KIDINS220: variants seen among roughly 807,000 people sequenced by gnomAD.
KIDINS220 encodes kinase D interacting substrate 220.
Under a neutral mutation model 157.6 loss-of-function variants are expected in KIDINS220, and 63 were observed. The ratio of observed to expected loss-of-function variants is 0.40; its 90% CI spans 0.33 to 0.49. The LOEUF is 0.49. Ranked by LOEUF, KIDINS220 falls within the 20% of genes least tolerant of loss-of-function variation. The pLI is 0.66. For missense variants in KIDINS220, 1,772 were observed against 2,171.2 expected, an observed-to-expected ratio of 0.82 and a Z score of 3.65; for synonymous variants, 732 against 783.6, an observed-to-expected ratio of 0.93 and a Z score of 1.10.
intron 22 of KIDINS220, among the ~76,000 whole-genome samples, chr2:8,768,238 A>T (rs2148146425): frequency 6.6e-6 from 1 of 151,186 alleles, no homozygotes; most frequent in South Asian, 2.1e-4. Context: ...TTCTTACTAA[A>T]TGTATGTTAA....
intron 5 of KIDINS220, 68 bp from the exon 6 acceptor site, chr2:8,812,561 G>T: frequency 1.3e-6 from 1 of 758,434 alleles, no homozygotes; most frequent in Non-Finnish European, 2.0e-6. Flanking sequence ...AAAGGAAGGA[G>T]GGAGGGAGGG....
intron 22 of KIDINS220, among the ~76,000 whole-genome samples, chr2:8,759,000 A>C (rs977202623): frequency 6.6e-6 from 1 of 152,266 alleles, no homozygotes; most frequent in Admixed American, 6.5e-5. Flanking sequence ...TGGTGGTCAC[A>C]GAATATTCTC....
rs149666519 is a variant in KIDINS220 at position 8,730,206 on chromosome 2, C to T, written c.*514G>A. The T allele has an allele frequency of 6.5e-3, 6,369 of 987,284 alleles. 25 individuals are homozygous for T. Among genetic ancestry groups the T allele is most frequent in the Non-Finnish European group, 7.3e-3 (6,085 of 831,334 alleles). The allele number at this position is 987,284 out of a possible 1,614,324, so 61.2% of individuals were successfully genotyped here. A position where few individuals can be genotyped will look rare whatever the true frequency, so the allele number is the denominator to read the frequency against. On this transcript the variant is annotated 3_prime_UTR_variant, in exon 30 of 30. Coordinates refer to ENST00000256707, the MANE Select transcript of KIDINS220 (RefSeq NM_020738.4). ...CCTCTGTGATAAGCAATACCCCTGC[C>T]ATACAGAACGCTGGATCTCGGTTTA...
intron 22 of KIDINS220, among the ~76,000 whole-genome samples, chr2:8,768,966 T>C (rs1669826129): frequency 6.6e-6 from 1 of 152,190 alleles, no homozygotes; most frequent in South Asian, 2.1e-4. Flanking sequence ...TTGTAAGTAG[T>C]TGCAGGCATT....
In KIDINS220 at chr2:8,731,190, C is replaced by T; in HGVS notation, c.4846G>A (p.Glu1616Lys). The T allele has an allele frequency of 6.2e-7, 1 of 1,614,168 alleles. No individual in the cohort carries two copies. Among genetic ancestry groups the T allele is most frequent in the Non-Finnish European group, 8.5e-7 (1 of 1,180,034 alleles). ...DSQLEKANLI[E>K]LEDDSHSGKR... ...CCGCTGTGACTGTCATCTTCCAGCT[C>T]TATGAGATTTGCCTTTTCAAGCTGG... Residue 1616 changes from glutamate to lysine, a missense_variant, in exon 30 of 30, where the codon GAG (glutamate) becomes AAG (lysine). Transcript: ENST00000256707. This position sits in a 1 kb window ranked among gnomAD's most constrained non-coding sequence, Gnocchi z 5.2.
chr2:8,780,157 C>T (rs1250944149), intron 17 of KIDINS220, among the ~76,000 whole-genome samples: 1 of 152,208 alleles, frequency 6.6e-6, no homozygotes, highest in Admixed American at 6.5e-5. Flanking sequence ...GATCAAAGCA[C>T]TACACTGCTG....
intron 8 of KIDINS220, among the ~76,000 whole-genome samples, chr2:8,801,259 G>A (rs1242862016): frequency 2.0e-5 from 3 of 152,082 alleles, no homozygotes; most frequent in Non-Finnish European, 4.4e-5. Flanking sequence ...TGAGCCCATG[G>A]GCTGCAGCTC....
Position 8,811,265 on chromosome 2 carries a change from G to A in KIDINS220, c.504+1130C>T, listed in dbSNP as rs75863983. Among the ~76,000 whole-genome samples the A allele has an allele frequency of 9.5e-3, 1,407 of 148,776 alleles. 8 individuals are homozygous for A. The highest frequency in any genetic ancestry group is 0.02 in the South Asian group (95 of 4,678). On this transcript the variant is annotated intron_variant, in intron 6 of 29. Coordinates refer to ENST00000256707, the MANE Select transcript of KIDINS220 (RefSeq NM_020738.4). ...CCACAATGTGCCAAATTCTAAGACCGCTACTGGAAATAATGGAGGTACAAA... is the reference window on the plus strand; with the variant it reads ...CCACAATGTGCCAAATTCTAAGACCACTACTGGAAATAATGGAGGTACAAA...
downstream of KIDINS220, chr2:8,724,045 G>A (rs1009436387): frequency 2.6e-5 from 4 of 152,434 alleles, no homozygotes; most frequent in Non-Finnish European, 5.9e-5. The surrounding 1 kb of genome is among the most constrained non-coding windows in gnomAD (Gnocchi z 4.6). Context: ...GCCTCCCCAA[G>A]TAGCTGGGAT....
At chr2:8,734,818 G>A in intron 27 of KIDINS220, 65 bp from the exon 28 acceptor site, 1 of 1,163,840 alleles carries the variant, frequency 8.6e-7, no homozygotes, top group Non-Finnish European at 1.3e-6. Flanking sequence ...AATTACTAGT[G>A]ATTGCCAAGT....
At chr2:8,726,832 C>T (rs1044248425), downstream of KIDINS220, 14 of 886,462 alleles carry the variant, frequency 1.6e-5, no homozygotes, top group East Asian at 6.2e-4. Context: ...TTGGCCAAAA[C>T]GTCCTAACGT....
At chr2:8,743,970 T>A (rs1181403576) in intron 26 of KIDINS220, among the ~76,000 whole-genome samples, 1 of 151,484 alleles carries the variant, frequency 6.6e-6, no homozygotes, top group Non-Finnish European at 1.5e-5. Flanking sequence ...ATATTTTTTC[T>A]CTATTATACA....
At chr2:8,795,964 T>C (rs1673853015) in intron 11 of KIDINS220, among the ~76,000 whole-genome samples, 1 of 152,248 alleles carries the variant, frequency 6.6e-6, no homozygotes, top group Non-Finnish European at 1.5e-5. Context: ...CTTTCTTTGA[T>C]ATGACATGTT....
At chr2:8,758,638 G>A (rs1345519385) in intron 22 of KIDINS220, among the ~76,000 whole-genome samples, 4 of 151,732 alleles carry the variant, frequency 2.6e-5, no homozygotes, top group East Asian at 3.9e-4. Flanking sequence ...CTAGCTCCTC[G>A]AGGTGTTAGG....
chr2:8,794,741 T>C lies in KIDINS220; in HGVS notation c.1099-754A>G, dbSNP rs545198570. On this transcript the variant is annotated intron_variant, in intron 11 of 29. Transcript: ENST00000256707. ...TTCGGGCTGCAAAGTGCTCTCCTAT[T>C]GATTACTTCACAAACACCTTGACAA... 5.9e-5 allele frequency among the ~76,000 whole-genome samples: 9 copies of C among 152,346 alleles called. No individual in the cohort carries two copies. In the East Asian group the frequency reaches 1.7e-3, roughly 29 times the overall value.
Position 8,754,516 on chromosome 2 carries a change from A to G in KIDINS220, c.3012-2872T>C, listed in dbSNP as rs1667751861. Among the ~76,000 whole-genome samples, 3 of 152,252 alleles carry G rather than the reference A, an allele frequency of 2.0e-5. No homozygotes were observed. The South Asian group carries it at 6.2e-4, about 31-fold the overall frequency. On this transcript the variant is annotated intron_variant, in intron 22 of 29. Coordinates refer to ENST00000256707, the MANE Select transcript of KIDINS220 (RefSeq NM_020738.4). ...ATGTGAATTAAAGTTGCCAGCAGTT[A>G]AATGGCCCAAAGAAAGCATTATAAA...
chr2:8,750,439 A>C, intron 23 of KIDINS220, 104 bp from the exon 24 acceptor site: 4 of 726,578 alleles, frequency 5.5e-6, no homozygotes, highest in Non-Finnish European at 7.9e-6. Context: ...ACATGACTTT[A>C]TCACTCTTGC....
intron 7 of KIDINS220, among the ~76,000 whole-genome samples, chr2:8,805,492 G>C (rs1675319646): frequency 6.6e-6 from 1 of 152,126 alleles, no homozygotes; most frequent in African/African-American, 2.4e-5. Context: ...AGGGGCTTAT[G>C]ATAAGTAACA....
chr2:8,746,993 C>A, intron 26 of KIDINS220, 152 bp downstream of exon 26: 2 of 589,282 alleles, frequency 3.4e-6, no homozygotes, highest in East Asian at 2.8e-5. Context: ...ATTCAGGAAC[C>A]ATAATTATTA....
Sources: allele counts gnomAD v4.1 joint callset (sites outside exome capture counted in the v4.1 genomes callset), GRCh38; gene constraint gnomAD v4.1.1; non-coding constraint Gnocchi (gnomAD v3.1); transcripts MANE v1.5; gene names NCBI Gene and HGNC (gene_info 2026-07-23, HGNC 2026-07-21).